The following ZNF831 variants were observed in gnomAD, a reference collection of about 807,000 sequenced individuals.
ZNF831 encodes chromosome 20 open reading frame 174.
A neutral mutation model predicts 95.8 loss-of-function variants in ZNF831; 59 were observed. That is an observed-to-expected ratio of 0.62 (90% CI 0.50 to 0.77). The LOEUF (loss-of-function observed/expected upper bound fraction) is 0.77, where lower values mean the gene tolerates loss of function less well. Ranked by LOEUF, ZNF831 falls within the 30% of genes least tolerant of loss-of-function variation. The probability of loss-of-function intolerance (pLI) is 0.00; values close to 1 mark genes in which losing one functional copy is unlikely to be tolerated. For synonymous variants in ZNF831, 961 were observed against 925.5 expected (o/e 1.04, Z -0.70); for missense variants, 2,205 against 2,164.0 (o/e 1.02, Z -0.38).
chr20:59,142,462 A>G (rs1339428847), intron 1 of ZNF831, among the ~76,000 whole-genome samples: 3 of 151,856 alleles, frequency 2.0e-5, no homozygotes, highest in African/African-American at 7.3e-5. Flanking sequence ...AATACCCCCT[A>G]CCCCCACATT....
intron 1 of ZNF831, among the ~76,000 whole-genome samples, chr20:59,134,063 T>C (rs1361724072): frequency 6.6e-6 from 1 of 152,232 alleles, no homozygotes; most frequent in East Asian, 1.9e-4. Context: ...GTCTTGGGCA[T>C]GTTTCTGGGT....
At chr20:59,211,108 A>G (rs1032782151) in intron 4 of ZNF831, among the ~76,000 whole-genome samples, 1 of 152,182 alleles carries the variant, frequency 6.6e-6, no homozygotes, top group Non-Finnish European at 1.5e-5. Flanking sequence ...AAACCTGAAT[A>G]TAGATCTAAG....
chr20:59,181,723 C>G (rs1188625300), intron 1 of ZNF831, among the ~76,000 whole-genome samples: 1 of 150,814 alleles, frequency 6.6e-6, no homozygotes, highest in South Asian at 2.1e-4. Context: ...TTCCCTTGGT[C>G]TATATATCTG....
In ZNF831 at chr20:59,217,927, C is replaced by G. The variant is rs1445380352; in HGVS notation, c.4027+10871C>G. ...TCAGCCTGCTCTGGGGGGACTCTGT[C>G]ACTGCAAAGGACATCAAGGCCTTCC... On this transcript the variant is annotated intron_variant, in intron 4 of 5. Coordinates refer to ENST00000371030, the MANE Select transcript of ZNF831 (RefSeq NM_178457.3). This position sits in a 1 kb window ranked among gnomAD's most constrained non-coding sequence, Gnocchi z 4.4. Among the ~76,000 whole-genome samples the G allele has an allele frequency of 6.6e-6, 1 of 152,188 alleles. No individual in the cohort carries two copies. Among genetic ancestry groups the G allele is most frequent in the Non-Finnish European group, 1.5e-5 (1 of 68,030 alleles).
intron 1 of ZNF831, among the ~76,000 whole-genome samples, chr20:59,168,455 GTT>G (rs71183161): frequency 0.11 from 12,571 of 113,612 alleles, 404 homozygotes; most frequent in Non-Finnish European, 0.13. Context: ...GTGCGAGGAG[GTT>G]TTTTTTTTTT....
At chr20:59,220,712 A>C (rs1465832011) in intron 4 of ZNF831, among the ~76,000 whole-genome samples, 1 of 152,208 alleles carries the variant, frequency 6.6e-6, no homozygotes, top group Non-Finnish European at 1.5e-5. Flanking sequence ...TTTTTAAAGA[A>C]GAATCTGCTC....
chr20:59,174,899 C>G (rs746309610), intron 1 of ZNF831, among the ~76,000 whole-genome samples: 1 of 152,116 alleles, frequency 6.6e-6, no homozygotes, highest in Non-Finnish European at 1.5e-5. Context: ...AGAGAACTTT[C>G]ATTCTTTGAG....
intron 1 of ZNF831, among the ~76,000 whole-genome samples, chr20:59,172,198 G>C (rs547197660): frequency 6.6e-6 from 1 of 152,238 alleles, no homozygotes; most frequent in East Asian, 1.9e-4. Context: ...TAGACTGACT[G>C]GTCTTTCCCT....
intron 1 of ZNF831, among the ~76,000 whole-genome samples, chr20:59,145,640 T>G (rs1442789835): frequency 6.6e-6 from 1 of 152,176 alleles, no homozygotes; most frequent in African/African-American, 2.4e-5. Context: ...CTAGGAAGGA[T>G]GAAAGAATGT....
intron 4 of ZNF831, among the ~76,000 whole-genome samples, chr20:59,232,813 A>C (rs1197592452): frequency 2.0e-5 from 3 of 152,200 alleles, no homozygotes; most frequent in African/African-American, 7.2e-5. Flanking sequence ...TGAGTGAATC[A>C]GATAACAACA....
chr20:59,125,451 C>A (rs1217954624), intron 1 of ZNF831, among the ~76,000 whole-genome samples: 1 of 152,134 alleles, frequency 6.6e-6, no homozygotes, highest in Non-Finnish European at 1.5e-5. Context: ...TCTCCCCACC[C>A]CCCCGCAGCA....
chr20:59,210,369 TGGGGCTCCGC>T (rs1398292462), intron 4 of ZNF831, among the ~76,000 whole-genome samples: 2 of 152,108 alleles, frequency 1.3e-5, no homozygotes, highest in Non-Finnish European at 2.9e-5. Flanking sequence ...GCCGGCGGGA[TGGGGCTCCGC>T]GGAGCCGCCA....
Position 59,254,661 on chromosome 20 carries a change from T to A in ZNF831, c.4952T>A (p.Leu1651Gln). ...APSKSLKKRS[L>Q]EGMRKQTRVE... ...TCTAAATCCCTCAAGAAGAGGAGTC[T>A]GGAAGGAATGAGAAAGCAAACTCGA... is the stretch of plus-strand genomic sequence containing the variant. The change falls in exon 6 of 6, where the codon CTG (leucine) becomes CAG (glutamine). Residue 1651 changes from leucine (L) to glutamine (Q), a missense_variant. By Grantham distance (113) the Leu-to-Gln change is moderately radical (BLOSUM62 -2). Transcript: ENST00000371030. The surrounding 1 kb of genome is among the most constrained non-coding windows in gnomAD (Gnocchi z 4.5). 1 of 1,614,086 alleles carries A rather than the reference T, an allele frequency of 6.2e-7. No individual in the cohort carries two copies.
rs1475017168 is a variant in ZNF831, at chr20:59,192,492, G to A, written c.1473G>A (p.Gln491=). The change falls in exon 2 of 6, where the codon CAG becomes CAA. Residue 491 remains glutamine, a synonymous_variant. Coordinates refer to ENST00000371030, the MANE Select transcript of ZNF831 (RefSeq NM_178457.3). This position sits in a 1 kb window ranked among gnomAD's most constrained non-coding sequence, Gnocchi z 5.2. ...RPLFFHSVPT[Q]LSTTVECVPV... ...TCTTCTTCCACTCCGTCCCCACTCA[G>A]CTCTCCACCACCGTGGAATGTGTCC... 2 of 1,572,086 alleles carry A rather than the reference G, an allele frequency of 1.3e-6. No homozygotes were observed. The highest frequency in any genetic ancestry group is 3.7e-5 in the Admixed American group (2 of 54,672).
chr20:59,126,723 G>A (rs944290341), intron 1 of ZNF831, among the ~76,000 whole-genome samples: 4 of 152,286 alleles, frequency 2.6e-5, no homozygotes, highest in East Asian at 1.9e-4. Flanking sequence ...CTTGCTGTCC[G>A]CATCAGCCAC....
At chr20:59,151,957 G>A (rs1461255523) in intron 2 of ZNF831, among the ~76,000 whole-genome samples, 1 of 152,158 alleles carries the variant, frequency 6.6e-6, no homozygotes, top group Admixed American at 6.5e-5. Flanking sequence ...TATAGCCTCA[G>A]CCACAGGTTG....
In ZNF831 at chr20:59,258,230, A is replaced by C. The variant is rs1484586698; in HGVS notation, c.*3487A>C. On this transcript the variant is annotated 3_prime_UTR_variant, in exon 6 of 6. Coordinates refer to ENST00000371030, the MANE Select transcript of ZNF831 (RefSeq NM_178457.3). ...GAATTTTAATGGAAACACTGCCAAT[A>C]GCATGGTGGGTAACCTAGGGCAAGA... 6.6e-6 allele frequency: 1 copy of C among 152,308 alleles called. No homozygotes were observed. The highest frequency in any genetic ancestry group is 1.5e-5 in the Non-Finnish European group (1 of 68,030). The allele number at this position is 152,308 out of a possible 1,614,324, so 9.4% of individuals were successfully genotyped here. A position where few individuals can be genotyped will look rare whatever the true frequency, so the allele number is the denominator to read the frequency against.
chr20:59,251,923 A>T (rs1305692399), intron 4 of ZNF831, among the ~76,000 whole-genome samples: 1 of 152,218 alleles, frequency 6.6e-6, no homozygotes, highest in Non-Finnish European at 1.5e-5. Context: ...ATAAACATGG[A>T]ATATTCGCCT....
At position 59,193,650 on chromosome 20, in the gene ZNF831, C is replaced by A. The variant is rs200346116; in HGVS notation, c.2631C>A (p.Gly877=). Residue 877 remains glycine, a synonymous_variant, in exon 2 of 6, where the codon GGC becomes GGA. Transcript: ENST00000371030. ...CAAAGGAGAGTGCCAGGCAGGTGGGCGAGCCTCTGGAGTCCTCTGGAGCCT... is the reference window on the plus strand; with the variant it reads ...CAAAGGAGAGTGCCAGGCAGGTGGGAGAGCCTCTGGAGTCCTCTGGAGCCT... ...GGSKESARQV[G]EPLESSGASL... 6.2e-7 allele frequency: 1 copy of A among 1,610,314 alleles called. No individual in the cohort carries two copies. The highest frequency in any genetic ancestry group is 8.5e-7 in the Non-Finnish European group (1 of 1,179,082).
Sources: gnomAD v4.1 joint callset for allele counts (sites outside exome capture counted in the v4.1 genomes callset) on GRCh38, gnomAD v4.1.1 for gene constraint, Gnocchi (gnomAD v3.1) non-coding constraint, MANE v1.5 for transcripts, NCBI Gene and HGNC (gene_info 2026-07-23, HGNC 2026-07-21) for gene names.